ENTPD5: variants seen among roughly 807,000 people sequenced by gnomAD.
ENTPD5 encodes the protein nucleoside diphosphate phosphatase ENTPD5.
ENTPD5 carries 49 observed loss-of-function variants against 60.2 expected under a neutral mutation model. That is an observed-to-expected ratio of 0.81 (90% CI 0.65 to 1.03). The LOEUF (loss-of-function observed/expected upper bound fraction) is 1.03. Among genes scored for constraint, ENTPD5 ranks in the 50% least tolerant of loss-of-function variants. ENTPD5 has a pLI of 0.00. For synonymous variants in ENTPD5, 187 were observed against 185.4 expected, an observed-to-expected ratio of 1.01 and a Z score of -0.07; for missense variants, 480 against 507.6, an observed-to-expected ratio of 0.95 and a Z score of 0.52.
intron 3 of ENTPD5, among the ~76,000 whole-genome samples, chr14:73,989,215 G>A (rs1204641261): frequency 6.6e-6 from 1 of 152,136 alleles, no homozygotes; most frequent in Non-Finnish European, 1.5e-5. Flanking sequence ...GATTGCTTGA[G>A]CCTAGGAGTT....
At chr14:73,956,188 CAT>C (rs2056427327), downstream of ENTPD5, 4 of 391,570 alleles carry the variant, frequency 1.0e-5, no homozygotes, top group Non-Finnish European at 2.0e-5. Flanking sequence ...ATTAGCCAGG[CAT>C]GGTGGCGGGC....
downstream of ENTPD5, chr14:73,959,551 G>A (rs1406167505): frequency 6.2e-7 from 1 of 1,613,804 alleles, no homozygotes; most frequent in Non-Finnish European, 8.5e-7. Flanking sequence ...AGCTGATGAT[G>A]TGCTGCAGGG....
At chr14:73,980,964 T>C (rs1302388621) in intron 6 of ENTPD5, among the ~76,000 whole-genome samples, 1 of 151,658 alleles carries the variant, frequency 6.6e-6, no homozygotes, top group East Asian at 2.0e-4. Flanking sequence ...CTGGGAGTGG[T>C]GGCGCACGCC....
chr14:73,971,915 TAAAAC>T lies in ENTPD5; in HGVS notation c.1028-12_1028-8del, dbSNP rs1341738743. 1 of 1,546,958 alleles carries T rather than the reference TAAAAC, an allele frequency of 6.5e-7. No individual in the cohort carries two copies. Among genetic ancestry groups the T allele is most frequent in the Non-Finnish European group, 8.9e-7 (1 of 1,118,972 alleles). On this transcript the variant is annotated splice_polypyrimidine_tract_variant and splice_region_variant and intron_variant, in intron 13 of 15. Coordinates refer to ENST00000334696, the MANE Select transcript of ENTPD5 (RefSeq NM_001249.5). ...ATACCCCCCTTTTCATAATCTGAAA[TAAAAC>T]AGAAGATTATCTGATATCAAAACGC... is the stretch of plus-strand genomic sequence containing the variant.
At position 73,972,469 on chromosome 14, in the gene ENTPD5, A is replaced by T. The variant is rs188239562; in HGVS notation, c.1027+415T>A. 2.4e-4 allele frequency among the ~76,000 whole-genome samples: 36 copies of T among 152,342 alleles called. No homozygotes were observed. In the East Asian group the frequency reaches 6.7e-3, roughly 29 times the overall value. ...ATTCATCTCTCTCAGGCCATGACAG[A>T]TCAGGTACATATACTTTCACAGTTA... On this transcript the variant is annotated intron_variant, in intron 13 of 15. Coordinates refer to ENST00000334696, the MANE Select transcript of ENTPD5 (RefSeq NM_001249.5).
downstream of ENTPD5, chr14:73,963,115 C>A: frequency 1.1e-6 from 1 of 940,570 alleles, no homozygotes; most frequent in South Asian, 1.4e-5. Context: ...CATTAAAATT[C>A]TCTTTTTCTT....
chr14:73,966,753 A>G lies in ENTPD5; in HGVS notation c.*175T>C, dbSNP rs1434387940. On this transcript the variant is annotated 3_prime_UTR_variant, in exon 16 of 16. Transcript: ENST00000334696. ...GGGCTCTCTGTGATGCTCTGGTGCC[A>G]GCTGTGTACTCTTGAGTGGTTAGGC... 7.3e-6 allele frequency: 4 copies of G among 550,966 alleles called. No individual in the cohort carries two copies. Among genetic ancestry groups the G allele is most frequent in the Non-Finnish European group, 1.3e-5 (4 of 311,666 alleles). 34.1% of individuals were successfully genotyped at this position (550,966 alleles called of 1,614,324 possible).
downstream of ENTPD5, chr14:73,961,939 G>A: frequency 6.2e-7 from 1 of 1,611,552 alleles, no homozygotes; most frequent in African/African-American, 1.3e-5. Flanking sequence ...TTTGCAAACA[G>A]CTCTTAATTT....
At chr14:74,018,073 T>C (rs555954037) in intron 1 of ENTPD5, among the ~76,000 whole-genome samples, 1 of 150,920 alleles carries the variant, frequency 6.6e-6, no homozygotes, top group Admixed American at 6.6e-5. Context: ...TCCCACTTAC[T>C]GGGGAGGCTG....
At chr14:74,003,909 C>A (rs1295201032) in intron 3 of ENTPD5, among the ~76,000 whole-genome samples, 2 of 151,528 alleles carry the variant, frequency 1.3e-5, no homozygotes, top group Admixed American at 1.3e-4. Context: ...CCAGCCTGGG[C>A]AACACAGCAA....
At chr14:74,015,252 A>G (rs2058981069) in intron 2 of ENTPD5, among the ~76,000 whole-genome samples, 1 of 152,064 alleles carries the variant, frequency 6.6e-6, no homozygotes, top group Admixed American at 6.6e-5. Context: ...TTATGAAGGG[A>G]AACATGGCCT....
downstream of ENTPD5, chr14:73,960,164 G>C: frequency 6.1e-6 from 6 of 988,136 alleles, no homozygotes; most frequent in Non-Finnish European, 7.2e-6. Flanking sequence ...TTCATTGAAA[G>C]TATTCCTAGG....
rs923999443 is a variant in ENTPD5, at chr14:73,989,163, T to C, written c.-70-991A>G. ...TAGGGTGGGGGCCAGGAACAGTGGC[T>C]CCAGCCTATAATTCCAGCACTTTGG... On this transcript the variant is annotated intron_variant, in intron 3 of 15. Coordinates refer to ENST00000334696, the MANE Select transcript of ENTPD5 (RefSeq NM_001249.5). 1.3e-4 allele frequency among the ~76,000 whole-genome samples: 20 copies of C among 152,206 alleles called. No individual in the cohort carries two copies. In the East Asian group the frequency reaches 3.9e-3, roughly 29 times the overall value.
chr14:73,967,874 T>C (rs2057053150), intron 15 of ENTPD5, among the ~76,000 whole-genome samples: 1 of 151,380 alleles, frequency 6.6e-6, no homozygotes, highest in Non-Finnish European at 1.5e-5. Context: ...CCTATAATTC[T>C]AGCACTTTGG....
intron 9 of ENTPD5, 38 bp downstream of exon 9, chr14:73,976,286 A>C: frequency 3.9e-6 from 6 of 1,540,444 alleles, no homozygotes; most frequent in Non-Finnish European, 5.4e-6. Context: ...TACGCCTGCC[A>C]AGTGCACTTC....
chr14:74,018,193 A>AG (rs1170034861), intron 1 of ENTPD5, among the ~76,000 whole-genome samples: 1 of 151,934 alleles, frequency 6.6e-6, no homozygotes, highest in African/African-American at 2.4e-5. Flanking sequence ...AAAAAAAAAA[A>AG]AAGTTTACAA....
intron 2 of ENTPD5, among the ~76,000 whole-genome samples, chr14:74,013,486 C>A (rs1470137512): frequency 6.6e-6 from 1 of 151,570 alleles, no homozygotes; most frequent in South Asian, 2.1e-4. Flanking sequence ...ATTATGAGAT[C>A]TTTTTTTGTG....
At chr14:73,990,577 C>T (rs996085496) in intron 3 of ENTPD5, among the ~76,000 whole-genome samples, 3 of 151,892 alleles carry the variant, frequency 2.0e-5, no homozygotes, top group Non-Finnish European at 4.4e-5. Flanking sequence ...GATCCACCTG[C>T]CTCAGCCTCC....
chr14:73,972,750 C>A, intron 13 of ENTPD5, 134 bp downstream of exon 13: 1 of 1,031,514 alleles, frequency 9.7e-7, no homozygotes, highest in East Asian at 2.5e-5. Context: ...TCATTTCCAC[C>A]CTTTTGTTCG....
Sources: gnomAD v4.1 joint callset for allele counts (sites outside exome capture counted in the v4.1 genomes callset) on GRCh38, gnomAD v4.1.1 for gene constraint, MANE v1.5 for transcripts, NCBI Gene and HGNC (gene_info 2026-07-23, HGNC 2026-07-21) for gene names.